RTN1: variants seen among roughly 807,000 people sequenced by gnomAD.
The protein encoded by RTN1 is reticulon 1, also known as reticulon-1.
In RTN1, 25 loss-of-function variants were observed where a neutral mutation model predicts 65.5. The ratio of observed to expected loss-of-function variants is 0.38; its 90% CI spans 0.28 to 0.53. RTN1 has a LOEUF of 0.53. Among genes scored for constraint, RTN1 ranks in the 20% least tolerant of loss-of-function variants. RTN1 has a pLI of 0.79. For missense variants in RTN1, 983 were observed against 1,025.4 expected (o/e 0.96, Z 0.57); for synonymous variants, 471 against 447.6 (o/e 1.05, Z -0.66).
chr14:59,639,246 T>A (rs947684172), intron 3 of RTN1, among the ~76,000 whole-genome samples: 2 of 152,150 alleles, frequency 1.3e-5, no homozygotes, highest in African/African-American at 4.8e-5. Flanking sequence ...AATATCAAGA[T>A]CACTGATCAC....
At chr14:59,611,796 G>A (rs889098148) in intron 3 of RTN1, among the ~76,000 whole-genome samples, 1 of 152,134 alleles carries the variant, frequency 6.6e-6, no homozygotes, top group African/African-American at 2.4e-5. Context: ...TGGAGTTCTT[G>A]GTTAGGGATC....
At chr14:59,745,231 C>T (rs905073275) in intron 2 of RTN1, among the ~76,000 whole-genome samples, 3 of 152,158 alleles carry the variant, frequency 2.0e-5, no homozygotes, top group African/African-American at 4.8e-5. Flanking sequence ...CCCCTTTGAC[C>T]TGGGACTTCC....
intron 3 of RTN1, among the ~76,000 whole-genome samples, chr14:59,714,692 A>G (rs1884497397): frequency 6.6e-6 from 1 of 152,196 alleles, no homozygotes. Context: ...ACTTCCCAAG[A>G]AGGACTACGC....
intron 1 of RTN1, among the ~76,000 whole-genome samples, chr14:59,768,725 T>TAA (rs11433617): frequency 1.3e-5 from 2 of 151,538 alleles, no homozygotes; most frequent in African/African-American, 4.8e-5. Flanking sequence ...GTCTCGCTGT[T>TAA]AAAAAAAAAT....
chr14:59,730,973 T>C (rs999173879), intron 2 of RTN1, among the ~76,000 whole-genome samples: 8 of 152,162 alleles, frequency 5.3e-5, no homozygotes, highest in Admixed American at 1.3e-4. Context: ...CATAGAGTCA[T>C]CATATGATCC....
intron 1 of RTN1, among the ~76,000 whole-genome samples, chr14:59,798,674 T>C (rs547107167): frequency 6.6e-6 from 1 of 152,284 alleles, no homozygotes; most frequent in East Asian, 1.9e-4. Flanking sequence ...TGTGATTACA[T>C]TGGGCCCGCC....
intron 1 of RTN1, among the ~76,000 whole-genome samples, chr14:59,862,141 A>G (rs1887721927): frequency 6.6e-6 from 1 of 152,214 alleles, no homozygotes; most frequent in Non-Finnish European, 1.5e-5. Context: ...CCTACGTTCT[A>G]TACATATTAA....
In RTN1 at chr14:59,839,026, C is replaced by CAAAAGAA. The variant is rs560093518; in HGVS notation, c.241+31357_241+31363dup. 2.0e-3 allele frequency among the ~76,000 whole-genome samples: 307 copies of CAAAAGAA among 152,136 alleles called. 1 individual carries two copies. Among genetic ancestry groups the CAAAAGAA allele is most frequent in the Non-Finnish European group, 3.4e-3 (233 of 67,974 alleles). ...GTTTCATAAGGAAACAGCATCAGAC[C>CAAAAGAA]AAAAGAAAGAGACGCTTTCCAAAAA... On this transcript the variant is annotated intron_variant, in intron 1 of 8. Transcript: ENST00000267484.
chr14:59,772,410 T>C (rs1885975170), intron 1 of RTN1, among the ~76,000 whole-genome samples: 2 of 152,098 alleles, frequency 1.3e-5, no homozygotes, highest in Non-Finnish European at 2.9e-5. Flanking sequence ...CTGCCTTTAG[T>C]GTGCTCAGCA....
chr14:59,796,898 C>T (rs1227532827), intron 1 of RTN1, among the ~76,000 whole-genome samples: 3 of 152,112 alleles, frequency 2.0e-5, no homozygotes, highest in Non-Finnish European at 4.4e-5. Flanking sequence ...TCTTCATATC[C>T]ACAGTGCCTA....
chr14:59,861,646 A>T (rs1317307941), intron 1 of RTN1, among the ~76,000 whole-genome samples: 1 of 152,168 alleles, frequency 6.6e-6, no homozygotes, highest in African/African-American at 2.4e-5. Flanking sequence ...TTTTCTGATC[A>T]GTTCTAATTA....
intron 3 of RTN1, among the ~76,000 whole-genome samples, chr14:59,628,263 T>C (rs1455568336): frequency 6.6e-6 from 1 of 152,212 alleles, no homozygotes; most frequent in African/African-American, 2.4e-5. Context: ...CTCAGCTCAA[T>C]TGAATCAGAA....
chr14:59,609,801 G>A (rs1411314195), intron 3 of RTN1, among the ~76,000 whole-genome samples: 2 of 152,196 alleles, frequency 1.3e-5, no homozygotes, highest in Non-Finnish European at 2.9e-5. Flanking sequence ...TTCATTTATT[G>A]AGCAGGAACT....
At chr14:59,714,702 C>T (rs986061878) in intron 3 of RTN1, among the ~76,000 whole-genome samples, 2 of 152,296 alleles carry the variant, frequency 1.3e-5, no homozygotes, top group Non-Finnish European at 2.9e-5. Context: ...AAGGACTACG[C>T]TACAGAAGAG....
intron 3 of RTN1, among the ~76,000 whole-genome samples, chr14:59,642,853 ATATCT>A (rs1334632622): frequency 6.6e-6 from 1 of 152,158 alleles, no homozygotes. Flanking sequence ...ATGTCTAATA[ATATCT>A]TATAGCATGA....
At chr14:59,697,932 G>A (rs1884097880) in intron 3 of RTN1, among the ~76,000 whole-genome samples, 1 of 152,098 alleles carries the variant, frequency 6.6e-6, no homozygotes, top group Non-Finnish European at 1.5e-5. Context: ...AGAAAAGCGG[G>A]TTGGAGGAGG....
intron 1 of RTN1, among the ~76,000 whole-genome samples, chr14:59,800,679 C>A (rs1277579857): frequency 6.6e-6 from 1 of 152,040 alleles, no homozygotes; most frequent in African/African-American, 2.4e-5. Context: ...GGATTACAGG[C>A]GTGAGCCACC....
rs545743626 is a variant in RTN1 at position 59,854,414 on chromosome 14, G to A, written c.241+15976C>T. Among the ~76,000 whole-genome samples, 5 of 151,908 alleles carry A rather than the reference G, an allele frequency of 3.3e-5. No individual in the cohort carries two copies. In the East Asian group the frequency reaches 5.9e-4, roughly 18 times the overall value. ...TCCCAGCACTTTGGGAAGCCAAGGC[G>A]GGCAGATCATAAGGTCAGGAGATCA... On this transcript the variant is annotated intron_variant, in intron 1 of 8. Coordinates refer to ENST00000267484, the MANE Select transcript of RTN1 (RefSeq NM_021136.3).
At position 59,606,103 on chromosome 14, in the gene RTN1, G is replaced by GATATATATATATATATAT. The variant is rs68098978; in HGVS notation, c.1974-615_1974-598dup. The GATATATATATATATATAT allele has an allele frequency of 1.6e-4, 20 of 127,288 alleles. 1 individual carries two copies. Among genetic ancestry groups the GATATATATATATATATAT allele is most frequent in the African/African-American group, 7.0e-4 (18 of 25,580 alleles). 7.9% of individuals were successfully genotyped at this position (127,288 alleles called of 1,614,324 possible). ...TTTAATTCTTGGGTGGGAAAAACAT[G>GATATATATATATATATAT]ATATATATATATATATATATATATC... On this transcript the variant is annotated intron_variant, in intron 4 of 8. Coordinates refer to ENST00000267484, the MANE Select transcript of RTN1 (RefSeq NM_021136.3).
Sources: allele counts gnomAD v4.1 joint callset (sites outside exome capture counted in the v4.1 genomes callset), GRCh38; gene constraint gnomAD v4.1.1; transcripts MANE v1.5; gene names NCBI Gene and HGNC (gene_info 2026-07-23, HGNC 2026-07-21).